ARHGEF10L: variants seen among roughly 807,000 people sequenced by gnomAD.
ARHGEF10L encodes Rho guanine nucleotide exchange factor 10 like.
Under a neutral mutation model 141.2 loss-of-function variants are expected in ARHGEF10L, and 69 were observed. The observed-to-expected ratio is 0.49, with a 90% CI of 0.40 to 0.60. The LOEUF (loss-of-function observed/expected upper bound fraction) is 0.60, where lower values mean the gene tolerates loss of function less well. Ranked by LOEUF, ARHGEF10L falls within the 20% of genes least tolerant of loss-of-function variation. The pLI, the probability that ARHGEF10L is intolerant of heterozygous loss-of-function variation, is 0.00. For missense variants in ARHGEF10L, 1,482 were observed against 1,734.3 expected (o/e 0.85, Z 2.58); for synonymous variants, 711 against 718.5 (o/e 0.99, Z 0.17).
At chr1:17,655,643 GCTGA>G (rs2062195065) in intron 23 of ARHGEF10L, among the ~76,000 whole-genome samples, 1 of 152,280 alleles carries the variant, frequency 6.6e-6, no homozygotes, top group Non-Finnish European at 1.5e-5. Flanking sequence ...GAAATAGAAA[GCTGA>G]CTGAGTATTT....
In ARHGEF10L at chr1:17,697,153, G is replaced by A. The variant is rs1248836011; in HGVS notation, c.3613G>A (p.Glu1205Lys). The change falls in exon 29 of 29, where the codon GAG becomes AAG. Residue 1205 changes from glutamate to lysine, a missense_variant. Coordinates refer to ENST00000361221, the MANE Select transcript of ARHGEF10L (RefSeq NM_018125.4). This position sits in a 1 kb window ranked among gnomAD's most constrained non-coding sequence, Gnocchi z 4.8. Reference protein sequence around the residue: ...PADGAALEHSEEDGSIYEMAD... With the variant: ...PADGAALEHSKEDGSIYEMAD... ...TGATGGCGCAGCTTTGGAGCACAGC[G>A]AGGAGGACGGCTCCATTTACGAGAT... 2 of 1,611,978 alleles carry A rather than the reference G, an allele frequency of 1.2e-6. No individual in the cohort carries two copies. The highest frequency in any genetic ancestry group is 1.1e-5 in the South Asian group (1 of 90,990).
chr1:17,662,016 G>A (rs1238146569), intron 25 of ARHGEF10L, among the ~76,000 whole-genome samples: 1 of 152,222 alleles, frequency 6.6e-6, no homozygotes, highest in African/African-American at 2.4e-5. Context: ...ATGGGTCGCC[G>A]TTGTCACGTT....
At chr1:17,554,620 C>G (rs1330745906) in intron 1 of ARHGEF10L, among the ~76,000 whole-genome samples, 1 of 132,810 alleles carries the variant, frequency 7.5e-6, no homozygotes, top group East Asian at 2.3e-4. Context: ...GGGTCTTGCT[C>G]TGTCGCCCAG....
At chr1:17,674,829 A>T (rs753806550) in intron 26 of ARHGEF10L, among the ~76,000 whole-genome samples, 2 of 152,170 alleles carry the variant, frequency 1.3e-5, no homozygotes, top group Non-Finnish European at 2.9e-5. Flanking sequence ...TGCAGTGTTC[A>T]GTACCGTCTC....
At chr1:17,537,105 G>C (rs2076586912), upstream of ARHGEF10L, among the ~76,000 whole-genome samples, 1 of 151,790 alleles carries the variant, frequency 6.6e-6, no homozygotes, top group Non-Finnish European at 1.5e-5. Flanking sequence ...TGTTGCCCAG[G>C]CTGGTCTAAA....
intron 22 of ARHGEF10L, among the ~76,000 whole-genome samples, chr1:17,652,096 C>T (rs1054199644): frequency 6.6e-6 from 1 of 152,204 alleles, no homozygotes; most frequent in African/African-American, 2.4e-5. Flanking sequence ...GGCCTCATGG[C>T]GAGCAGTGGC....
At chr1:17,526,922 A>G in the ARHGEF10L span, among the ~76,000 whole-genome samples, 1 of 152,028 alleles carries the variant, frequency 6.6e-6, no homozygotes, top group Non-Finnish European at 1.5e-5. Flanking sequence ...AAAAAAAAAA[A>G]AAGACAAGGC....
Position 17,634,983 on chromosome 1 carries a change from G to A in ARHGEF10L, c.1894G>A (p.Ala632Thr), listed in dbSNP as rs187517339. 1.2e-5 allele frequency: 19 copies of A among 1,614,060 alleles called. No homozygotes were observed. Among genetic ancestry groups the A allele is most frequent in the South Asian group, 4.4e-5 (4 of 91,080 alleles). The stretch of plus-strand genomic sequence containing the variant: ...CAATGTGCTCATCCAGCACTCAGGC[G>A]CCAAGAAGGCCTCTGCCTCAGGGCA... Reference protein sequence around the residue: ...KDNVLIQHSGAKKASASGQAQ... With the variant: ...KDNVLIQHSGTKKASASGQAQ... Residue 632 changes from alanine (A) to threonine (T), a missense_variant, in exon 18 of 29, where the codon GCC becomes ACC. By Grantham distance (58) the Ala-to-Thr change is moderately conservative. This residue lies in a region of ARHGEF10L where 858 missense variants were observed against 966.3 expected (regional missense o/e 0.89). Transcript: ENST00000361221.
At position 17,640,215 on chromosome 1, in the gene ARHGEF10L, A is replaced by G. The variant is rs766862964; in HGVS notation, c.2185A>G (p.Ile729Val). ...PGKPDKSGRP[I>V]SFMVVFITPN... ...TTCTCACCACAGGTCCGGCCGCCCC[A>G]TTAGCTTCATGGTGGTTTTCATCAC... Residue 729 changes from isoleucine (I) to valine (V), a missense_variant, in exon 21 of 29, where the codon ATT (isoleucine) becomes GTT (valine). By Grantham distance (29) the Ile-to-Val change is conservative. Transcript: ENST00000361221. 5.0e-6 allele frequency: 8 copies of G among 1,612,056 alleles called. No individual in the cohort carries two copies. The Admixed American group carries it at 6.7e-5, about 13-fold the overall frequency.
At chr1:17,606,442 T>C (rs1179340790) in intron 6 of ARHGEF10L, among the ~76,000 whole-genome samples, 1 of 151,980 alleles carries the variant, frequency 6.6e-6, no homozygotes, top group East Asian at 1.9e-4. Flanking sequence ...TACAGGTGCG[T>C]GCCACCACAC....
intron 26 of ARHGEF10L, among the ~76,000 whole-genome samples, chr1:17,686,106 C>CTTTCTTTCTTTCTTTCTTTCTTTCTT (rs1217247937): frequency 1.5e-4 from 15 of 99,354 alleles, no homozygotes; most frequent in African/African-American, 6.0e-4. Flanking sequence ...TTCTTTCTTT[C>CTTTCTTTCTTTCTTTCTTTCTTTCTT]TTTTTTTTTT....
At chr1:17,544,509 G>A (rs559992513) in intron 1 of ARHGEF10L, among the ~76,000 whole-genome samples, 26 of 152,008 alleles carry the variant, frequency 1.7e-4, no homozygotes, top group African/African-American at 6.3e-4. Context: ...GGGCCAGGCT[G>A]GTCTCAAACT....
chr1:17,554,396 G>A (rs2077224766), intron 1 of ARHGEF10L, among the ~76,000 whole-genome samples: 1 of 152,054 alleles, frequency 6.6e-6, no homozygotes, highest in Non-Finnish European at 1.5e-5. Context: ...CAGAGGAGCT[G>A]AGGGTCAGAC....
intron 22 of ARHGEF10L, among the ~76,000 whole-genome samples, chr1:17,651,382 T>C (rs1420033952): frequency 6.6e-6 from 1 of 151,960 alleles, no homozygotes; most frequent in Non-Finnish European, 1.5e-5. Flanking sequence ...GACCATGGAG[T>C]AGGGAGTATC....
At chr1:17,520,027 C>G in the ARHGEF10L span, among the ~76,000 whole-genome samples, 2 of 152,166 alleles carry the variant, frequency 1.3e-5, no homozygotes, top group African/African-American at 2.4e-5. Flanking sequence ...GTACCCAGGC[C>G]CTGTGTGCCT....
chr1:17,642,270 A>T (rs1034056794), intron 21 of ARHGEF10L, among the ~76,000 whole-genome samples: 1 of 152,176 alleles, frequency 6.6e-6, no homozygotes, highest in Non-Finnish European at 1.5e-5. Flanking sequence ...AAGCTGCACA[A>T]ATATCTGGTC....
chr1:17,548,750 G>A (rs867054375), intron 1 of ARHGEF10L, among the ~76,000 whole-genome samples: 2 of 144,856 alleles, frequency 1.4e-5, no homozygotes, highest in African/African-American at 5.2e-5. Flanking sequence ...CTGGGTTCAA[G>A]CAATTCTCCA....
chr1:17,560,189 G>A (rs79647827), intron 1 of ARHGEF10L, among the ~76,000 whole-genome samples: 3,595 of 152,160 alleles, frequency 0.024, 66 homozygotes, highest in Middle Eastern at 0.034. Flanking sequence ...ACCACTGTCC[G>A]GGGGCAGGGG....
intron 26 of ARHGEF10L, 115 bp downstream of exon 26, chr1:17,664,710 T>A: frequency 7.6e-7 from 1 of 1,316,696 alleles, no homozygotes; most frequent in Non-Finnish European, 1.0e-6. Context: ...AAGGATCGAT[T>A]GGGCAGAGTT....
Sources: allele counts gnomAD v4.1 joint callset (sites outside exome capture counted in the v4.1 genomes callset), GRCh38; gene constraint gnomAD v4.1.1; regional missense constraint gnomAD v4.1.1; non-coding constraint Gnocchi (gnomAD v3.1); transcripts MANE v1.5; gene names NCBI Gene and HGNC (gene_info 2026-07-23, HGNC 2026-07-21).